PLCH1: variants seen among roughly 807,000 people sequenced by gnomAD.
PLCH1 encodes the protein phospholipase C eta 1.
PLCH1 carries 60 observed loss-of-function variants against 126.7 expected under a neutral mutation model. The ratio of observed to expected loss-of-function variants is 0.47; its 90% CI spans 0.38 to 0.59. The LOEUF is 0.59. Among genes scored for constraint, PLCH1 ranks in the 20% least tolerant of loss-of-function variants. The probability of loss-of-function intolerance (pLI) is 0.00; values close to 1 mark genes in which losing one functional copy is unlikely to be tolerated. For synonymous variants in PLCH1, 719 were observed against 734.9 expected (o/e 0.98, Z 0.35); for missense variants, 1,723 against 2,040.0 (o/e 0.84, Z 2.99).
At chr3:155,522,650 G>A (rs1721254426) in intron 11 of PLCH1, among the ~76,000 whole-genome samples, 1 of 150,588 alleles carries the variant, frequency 6.6e-6, no homozygotes, top group South Asian at 2.1e-4. Context: ...TGTTAACAAT[G>A]TAATAACTGA....
At position 155,676,867 on chromosome 3, in the gene PLCH1, G is replaced by A. The variant is rs370985780; in HGVS notation, c.79+27279C>T. Among the ~76,000 whole-genome samples, 21 of 152,244 alleles carry A rather than the reference G, an allele frequency of 1.4e-4. No homozygotes were observed. The East Asian group carries it at 1.7e-3, about 13-fold the overall frequency. On this transcript the variant is annotated intron_variant, in intron 2 of 22. Transcript: ENST00000460012. The stretch of plus-strand genomic sequence containing the variant: ...AAAAAAAAATCACATGCCTGTGGAC[G>A]TGGACAAGGTAGACAGCATGAATGG...
chr3:155,630,881 A>G (rs1737943689), intron 2 of PLCH1, among the ~76,000 whole-genome samples: 1 of 152,226 alleles, frequency 6.6e-6, no homozygotes, highest in Non-Finnish European at 1.5e-5. Context: ...ATGTACCCAA[A>G]AGGAATAAGA....
intron 10 of PLCH1, among the ~76,000 whole-genome samples, chr3:155,538,184 A>G (rs1723709304): frequency 1.3e-5 from 2 of 152,194 alleles, no homozygotes; most frequent in Admixed American, 1.3e-4. Flanking sequence ...GGAAACTTAA[A>G]AATTCCTTGA....
chr3:155,561,979 A>G (rs1727695903), intron 8 of PLCH1, among the ~76,000 whole-genome samples: 1 of 152,060 alleles, frequency 6.6e-6, no homozygotes, highest in Admixed American at 6.6e-5. Context: ...ATGCGGTTTC[A>G]CCATGTTGGC....
At chr3:155,644,922 C>T (rs1479624348) in intron 2 of PLCH1, among the ~76,000 whole-genome samples, 2 of 152,154 alleles carry the variant, frequency 1.3e-5, no homozygotes, top group African/African-American at 4.8e-5. Flanking sequence ...TAAAGATGGG[C>T]ATCAAGGGGT....
At chr3:155,521,134 A>C (rs1560104651) in intron 11 of PLCH1, among the ~76,000 whole-genome samples, 1 of 152,122 alleles carries the variant, frequency 6.6e-6, no homozygotes, top group Non-Finnish European at 1.5e-5. Flanking sequence ...ATCCCATCTA[A>C]AATTTCAATA....
At chr3:155,483,098 A>G (rs777608665) in intron 22 of PLCH1, 47 bp from the exon 23 acceptor site, 7 of 1,506,252 alleles carry the variant, frequency 4.6e-6, no homozygotes, top group Non-Finnish European at 6.4e-6. Context: ...CACTTTATGT[A>G]GGACCTGCAA....
intron 1 of PLCH1, among the ~76,000 whole-genome samples, chr3:155,726,021 C>T (rs917505790): frequency 3.9e-5 from 6 of 152,150 alleles, no homozygotes; most frequent in East Asian, 3.8e-4. Flanking sequence ...CTTTGCTTAT[C>T]GAAGTCTCAA....
intron 2 of PLCH1, among the ~76,000 whole-genome samples, chr3:155,703,488 A>G (rs951423710): frequency 6.6e-6 from 1 of 152,180 alleles, no homozygotes; most frequent in African/African-American, 2.4e-5. Flanking sequence ...ATACCACAAA[A>G]CAAACAGATA....
intron 2 of PLCH1, among the ~76,000 whole-genome samples, chr3:155,681,679 T>C (rs898725290): frequency 6.6e-6 from 1 of 152,204 alleles, no homozygotes; most frequent in African/African-American, 2.4e-5. Flanking sequence ...AAACCCAAAA[T>C]CATTGCTATA....
At chr3:155,592,173 TTA>T (rs1491152862) in intron 4 of PLCH1, among the ~76,000 whole-genome samples, 7 of 114,448 alleles carry the variant, frequency 6.1e-5, no homozygotes, top group African/African-American at 1.2e-4. Flanking sequence ...CTTTTCTCTT[TTA>T]AAAAAAAAAA....
At position 155,565,171 on chromosome 3, in the gene PLCH1, T is replaced by C. The variant is rs149168734; in HGVS notation, c.866-53A>G. 6,149 of 1,284,702 alleles carry C rather than the reference T, an allele frequency of 4.8e-3. 32 individuals carry two copies. Among genetic ancestry groups the C allele is most frequent in the Middle Eastern group, 7.0e-3 (38 of 5,434 alleles). 79.6% of individuals were successfully genotyped at this position (1,284,702 alleles called of 1,614,324 possible). A position where few individuals can be genotyped will look rare whatever the true frequency, so the allele number is the denominator to read the frequency against. On this transcript the variant is annotated intron_variant, in intron 7 of 22. Coordinates refer to ENST00000460012, the MANE Select transcript of PLCH1 (RefSeq NM_014996.4). ...CAGCTTTCAAAGCATATATACTTAA[T>C]GGCTCTAAGAGGGGCAAAAGGGGTC...
chr3:155,738,119 G>C (rs1189366751), intron 1 of PLCH1, among the ~76,000 whole-genome samples: 1 of 152,224 alleles, frequency 6.6e-6, no homozygotes, highest in African/African-American at 2.4e-5. Context: ...CAGCCACAGA[G>C]AGAAGAGGCT....
intron 6 of PLCH1, among the ~76,000 whole-genome samples, chr3:155,575,781 C>T (rs370541936): frequency 6.6e-6 from 1 of 152,112 alleles, no homozygotes; most frequent in South Asian, 2.1e-4. Context: ...CTCCACCCCG[C>T]AAGTAGCTGG....
chr3:155,538,675 T>C (rs956847291), intron 10 of PLCH1, among the ~76,000 whole-genome samples: 1 of 152,028 alleles, frequency 6.6e-6, no homozygotes, highest in Non-Finnish European at 1.5e-5. Flanking sequence ...CCTGGAAATA[T>C]ACAATCCTCG....
chr3:155,692,477 TG>T (rs1745465827), intron 2 of PLCH1, among the ~76,000 whole-genome samples: 1 of 152,146 alleles, frequency 6.6e-6, no homozygotes, highest in African/African-American at 2.4e-5. Context: ...GATGGATGGA[TG>T]GATGGATGGA....
intron 20 of PLCH1, 96 bp downstream of exon 20, chr3:155,488,564 T>C (rs1715658198): frequency 9.7e-7 from 1 of 1,033,532 alleles, no homozygotes; most frequent in Admixed American, 2.7e-5. Flanking sequence ...ACATATTTTA[T>C]CACGTATGCT....
chr3:155,672,115 G>A (rs539593929), intron 2 of PLCH1, among the ~76,000 whole-genome samples: 1 of 152,202 alleles, frequency 6.6e-6, no homozygotes, highest in African/African-American at 2.4e-5. Flanking sequence ...AAGGACCTAA[G>A]AGAAAACGTA....
At chr3:155,463,573 A>C (rs1004447933) in intron 21 of PLCH1, among the ~76,000 whole-genome samples, 4 of 152,166 alleles carry the variant, frequency 2.6e-5, no homozygotes, top group African/African-American at 9.7e-5. Context: ...GTTCAATGAG[A>C]CTCATTTCTG....
Sources: gnomAD v4.1 joint callset for allele counts (sites outside exome capture counted in the v4.1 genomes callset) on GRCh38, gnomAD v4.1.1 for gene constraint, MANE v1.5 for transcripts, NCBI Gene and HGNC (gene_info 2026-07-23, HGNC 2026-07-21) for gene names.